PDE7B: variants seen among roughly 807,000 people sequenced by gnomAD.
PDE7B encodes the protein phosphodiesterase 7B.
A neutral mutation model predicts 56.2 loss-of-function variants in PDE7B; 29 were observed. That is an observed-to-expected ratio of 0.52 (90% CI 0.38 to 0.70). The LOEUF (loss-of-function observed/expected upper bound fraction) is 0.70. PDE7B is among the 30% of genes least tolerant of loss of function. The pLI is 0.00. For missense variants in PDE7B, 490 were observed against 565.0 expected (o/e 0.87, Z 1.35); for synonymous variants, 197 against 196.9 (o/e 1.00, Z 0.00).
At chr6:136,170,789 G>A (rs1778867002) in intron 8 of PDE7B, among the ~76,000 whole-genome samples, 2 of 152,096 alleles carry the variant, frequency 1.3e-5, no homozygotes, top group Non-Finnish European at 2.9e-5. Context: ...ATGCACAAGT[G>A]TTAGCTCTTC....
intron 1 of PDE7B, among the ~76,000 whole-genome samples, chr6:135,861,835 A>G (rs1175239770): frequency 1.3e-5 from 2 of 151,790 alleles, no homozygotes; most frequent in Non-Finnish European, 3.0e-5. Context: ...GTCATTTTAC[A>G]TATTCCTTGC....
chr6:135,892,855 A>AC (rs1562427884), intron 1 of PDE7B, among the ~76,000 whole-genome samples: 1 of 152,176 alleles, frequency 6.6e-6, no homozygotes, highest in Admixed American at 6.5e-5. Context: ...TTTGCAATGG[A>AC]CCAAGCTGAA....
At chr6:136,142,033 T>C (rs1400599195) in intron 3 of PDE7B, among the ~76,000 whole-genome samples, 1 of 152,210 alleles carries the variant, frequency 6.6e-6, no homozygotes, top group Non-Finnish European at 1.5e-5. Context: ...TCTAGTTCTT[T>C]TAATTGTGAT....
intron 1 of PDE7B, among the ~76,000 whole-genome samples, chr6:135,915,578 T>C (rs750794615): frequency 3.9e-5 from 6 of 152,204 alleles, no homozygotes; most frequent in Non-Finnish European, 8.8e-5. Context: ...ATTCGTATAC[T>C]GTACAATGTT....
At chr6:135,873,201 C>G (rs1429738907) in intron 1 of PDE7B, among the ~76,000 whole-genome samples, 1 of 152,142 alleles carries the variant, frequency 6.6e-6, no homozygotes, top group African/African-American at 2.4e-5. Flanking sequence ...CTTCACTTTT[C>G]TCTACCACAA....
chr6:136,176,014 T>G (rs543843349), intron 9 of PDE7B, among the ~76,000 whole-genome samples: 1 of 152,232 alleles, frequency 6.6e-6, no homozygotes, highest in South Asian at 2.1e-4. Flanking sequence ...AAAGTGGTTT[T>G]CATTAAATTA....
At chr6:136,156,077 C>T (rs1429493545) in intron 8 of PDE7B, 6 of 401,160 alleles carry the variant, frequency 1.5e-5, no homozygotes, top group Non-Finnish European at 2.4e-5. Flanking sequence ...TAAAGTGAGC[C>T]GCTGTTTTTC....
chr6:135,913,867 T>C (rs757685733), intron 1 of PDE7B, among the ~76,000 whole-genome samples: 12 of 152,222 alleles, frequency 7.9e-5, no homozygotes, highest in Non-Finnish European at 1.5e-4. Context: ...AGTATGAGAA[T>C]GATGAGCTTG....
intron 1 of PDE7B, among the ~76,000 whole-genome samples, chr6:135,889,190 C>T (rs1405029623): frequency 2.0e-5 from 3 of 152,120 alleles, no homozygotes; most frequent in Non-Finnish European, 2.9e-5. Flanking sequence ...CCAACAGATA[C>T]CCCAGGCCTA....
chr6:136,193,574 C>T lies in PDE7B; in HGVS notation c.*1734C>T, dbSNP rs751581336. 6.6e-5 allele frequency: 10 copies of T among 152,152 alleles called. No individual in the cohort carries two copies. Among genetic ancestry groups the T allele is most frequent in the Non-Finnish European group, 1.2e-4 (8 of 68,030 alleles). 9.4% of individuals were successfully genotyped at this position (152,152 alleles called of 1,614,324 possible). A position where few individuals can be genotyped will look rare whatever the true frequency, so the allele number is the denominator to read the frequency against. ...TGAACCTTTTCTTTAGAAGTTTCAG[C>T]GTAACTAATGTTAGATGAAAATTGT... On this transcript the variant is annotated 3_prime_UTR_variant, in exon 13 of 13. Coordinates refer to ENST00000308191, the MANE Select transcript of PDE7B (RefSeq NM_018945.4).
intron 8 of PDE7B, among the ~76,000 whole-genome samples, chr6:136,167,737 A>G (rs977228111): frequency 1.3e-5 from 2 of 152,326 alleles, no homozygotes; most frequent in Admixed American, 6.5e-5. Context: ...TAAGTGCTCA[A>G]TATATTTGTT....
chr6:135,954,278 C>A (rs1774751264), intron 2 of PDE7B, among the ~76,000 whole-genome samples: 2 of 152,176 alleles, frequency 1.3e-5, no homozygotes, highest in African/African-American at 2.4e-5. Context: ...AGCTGCCCAG[C>A]CCCTAAGAGG....
chr6:136,089,949 T>A (rs1180958969), intron 2 of PDE7B, among the ~76,000 whole-genome samples: 2 of 152,202 alleles, frequency 1.3e-5, no homozygotes, highest in Non-Finnish European at 2.9e-5. Context: ...AGGAATGTAA[T>A]CTTTCCTATA....
At chr6:135,943,428 A>G (rs1370071864) in intron 1 of PDE7B, among the ~76,000 whole-genome samples, 1 of 152,200 alleles carries the variant, frequency 6.6e-6, no homozygotes, top group Non-Finnish European at 1.5e-5. Context: ...TTAGTGGGTG[A>G]GAGAAGGGGA....
intron 2 of PDE7B, among the ~76,000 whole-genome samples, chr6:136,104,750 C>T (rs1486282965): frequency 6.6e-6 from 1 of 152,202 alleles, no homozygotes; most frequent in Non-Finnish European, 1.5e-5. Flanking sequence ...TGTTAGCATA[C>T]TTACAATTGT....
intron 8 of PDE7B, among the ~76,000 whole-genome samples, chr6:136,163,097 A>G (rs1302882593): frequency 6.6e-6 from 1 of 152,218 alleles, no homozygotes; most frequent in Admixed American, 6.5e-5. Context: ...TCCACTAGAC[A>G]GTGTACCAGT....
At chr6:136,084,548 C>CTT (rs1420010761) in intron 2 of PDE7B, among the ~76,000 whole-genome samples, 11 of 152,304 alleles carry the variant, frequency 7.2e-5, no homozygotes, top group African/African-American at 2.2e-4. Context: ...TTGGGAAAAA[C>CTT]TTTGTGTTTC....
At chr6:135,950,772 C>A (rs1774684697) in intron 2 of PDE7B, among the ~76,000 whole-genome samples, 1 of 152,106 alleles carries the variant, frequency 6.6e-6, no homozygotes, top group African/African-American at 2.4e-5. Flanking sequence ...ATTGGCGAGT[C>A]CCCATATCAT....
chr6:136,171,742 T>C (rs1480104706), intron 8 of PDE7B, among the ~76,000 whole-genome samples: 1 of 150,942 alleles, frequency 6.6e-6, no homozygotes, highest in Non-Finnish European at 1.5e-5. Context: ...ACCCATTAAC[T>C]CGTCACTTAG....
Sources: gnomAD v4.1 joint callset for allele counts (sites outside exome capture counted in the v4.1 genomes callset) on GRCh38, gnomAD v4.1.1 for gene constraint, MANE v1.5 for transcripts, NCBI Gene and HGNC (gene_info 2026-07-23, HGNC 2026-07-21) for gene names.